The following TTLL3 variants were observed in gnomAD, a reference collection of about 807,000 sequenced individuals.
The protein encoded by TTLL3 is tubulin monoglycylase TTLL3.
Under a neutral mutation model 75.2 loss-of-function variants are expected in TTLL3, and 63 were observed. That is an observed-to-expected ratio of 0.84 (90% CI 0.68 to 1.03). The LOEUF is 1.03. TTLL3 is among the 50% of genes least tolerant of loss of function. The probability of loss-of-function intolerance (pLI) is 0.00; values close to 1 mark genes in which losing one functional copy is unlikely to be tolerated. For synonymous variants in TTLL3, 393 were observed against 418.5 expected (o/e 0.94, Z 0.74); for missense variants, 997 against 1,069.9 (o/e 0.93, Z 0.95).
Position 9,817,684 on chromosome 3 carries a change from G to T in TTLL3, c.484G>T (p.Asp162Tyr). The T allele has an allele frequency of 1.2e-6, 2 of 1,614,190 alleles. No homozygotes were observed. The highest frequency in any genetic ancestry group is 1.7e-6 in the Non-Finnish European group (2 of 1,180,046). The change falls in exon 6 of 14, where the codon GAT becomes TAT. Residue 162 changes from aspartate to tyrosine, a missense_variant. By Grantham distance (160) the Asp-to-Tyr change is radical. Transcript: ENST00000685419. ...CAATCTCCGGAATTTGCCGTGGTTT[G>T]ATGAGGTTGATGCCAACTCCTTCTT... Reference protein sequence around the residue: ...CLNLRNLPWFDEVDANSFFPR... With the variant: ...CLNLRNLPWFYEVDANSFFPR...
intron 9 of TTLL3, 134 bp from the exon 10 acceptor site, chr3:9,826,863 G>A (rs1559744444): frequency 6.8e-7 from 1 of 1,474,188 alleles, no homozygotes; most frequent in East Asian, 2.3e-5. Context: ...AAAGGGAACT[G>A]GGTTCTGATT....
chr3:9,820,430 T>C, intron 7 of TTLL3, 116 bp from the exon 8 acceptor site: 1 of 1,549,384 alleles, frequency 6.5e-7, no homozygotes, highest in East Asian at 2.3e-5. Flanking sequence ...AGGGGATCTA[T>C]CTAGGTTCGT....
intron 4 of TTLL3, among the ~76,000 whole-genome samples, chr3:9,814,245 A>G (rs1045619759): frequency 1.3e-5 from 2 of 152,236 alleles, no homozygotes; most frequent in Admixed American, 1.3e-4. Context: ...CTGAGGCAGG[A>G]GAATCACTTG....
At chr3:9,830,654 G>A (rs1465139530) in intron 11 of TTLL3, among the ~76,000 whole-genome samples, 2 of 152,192 alleles carry the variant, frequency 1.3e-5, no homozygotes, top group Non-Finnish European at 2.9e-5. Flanking sequence ...TGCCATTGTA[G>A]TGCAGTGCTC....
intron 12 of TTLL3, chr3:9,834,272 G>C (rs1559229825): frequency 7.0e-6 from 3 of 426,564 alleles, no homozygotes; most frequent in Admixed American, 2.5e-5. Flanking sequence ...TTTTCCCACT[G>C]CAGTATTCTG....
chr3:9,819,802 G>A (rs751344006), intron 7 of TTLL3: 16 of 985,494 alleles, frequency 1.6e-5, no homozygotes, highest in Non-Finnish European at 1.9e-5. Context: ...GCTGTCTCTT[G>A]TGTGTGTCAT....
At position 9,835,209 on chromosome 3, in the gene TTLL3, C is replaced by G. The variant is rs183827868; in HGVS notation, c.2168C>G (p.Ser723Ter). The G allele has an allele frequency of 5.6e-6, 9 of 1,614,224 alleles. No individual in the cohort carries two copies. The Admixed American group carries it at 8.3e-5, about 15-fold the overall frequency. Residue 723 changes from serine (S) to a stop codon, truncating the protein, a stop_gained, in exon 14 of 14, where the codon TCA (serine) becomes TGA (stop). Transcript: ENST00000685419. LOFTEE classifies it low-confidence loss of function (END_TRUNC). ...GGAAGGTCAAGGCCAAAGGCAAATT[C>G]AAGGCCAGACTGTGACAAACCCAGG... ...PVGRSRPKAN[S>*]RPDCDKPRAE...
intron 10 of TTLL3, chr3:9,827,652 G>A: frequency 4.3e-6 from 1 of 232,436 alleles, no homozygotes; most frequent in Non-Finnish European, 8.6e-6. Flanking sequence ...TCCCACCTTG[G>A]CTTCCCAAAG....
intron 6 of TTLL3, 122 bp from the exon 7 acceptor site, chr3:9,818,700 A>G: frequency 1.9e-6 from 3 of 1,562,266 alleles, no homozygotes; most frequent in Middle Eastern, 3.4e-4. Context: ...CTCAGGCTCT[A>G]GAGTCAGAAA....
rs868463768 is a variant in TTLL3, at chr3:9,813,202, G to T, written c.218-46G>T. ...CCAGAGTTGAGGCCTTATGGGCTAT[G>T]GGTCAGGGAGAGGAAACTCATCAGC... On this transcript the variant is annotated intron_variant, in intron 3 of 13. Coordinates refer to ENST00000685419, the MANE Select transcript of TTLL3 (RefSeq NM_001387446.1). The T allele has an allele frequency of 2.5e-6, 4 of 1,613,962 alleles. No homozygotes were observed. In the Middle Eastern group the frequency reaches 6.6e-4, roughly 266 times the overall value.
chr3:9,826,887 T>C, intron 9 of TTLL3, 110 bp from the exon 10 acceptor site: 1 of 1,544,268 alleles, frequency 6.5e-7, no homozygotes, highest in Non-Finnish European at 8.8e-7. Context: ...GGAGACAGCC[T>C]TACCCACTCA....
intron 2 of TTLL3, 118 bp from the exon 3 acceptor site, chr3:9,812,825 A>AT (rs1345774523): frequency 8.3e-7 from 1 of 1,203,904 alleles, no homozygotes; most frequent in Non-Finnish European, 1.1e-6. Flanking sequence ...ATTTCTCCTA[A>AT]TGGAATATAA....
In TTLL3 at chr3:9,827,100, G is replaced by GC. The variant is rs781361372; in HGVS notation, c.1111dup (p.Leu371ProfsTer9). On this transcript the variant is annotated frameshift_variant, in exon 10 of 14. Coordinates refer to ENST00000685419, the MANE Select transcript of TTLL3 (RefSeq NM_001387446.1). LOFTEE classifies it high-confidence loss of function. ...GGGTGGTGCAGAAGTATATTGAGCG[G>GC]CCCCTCCTCATCTTTGGCACCAAGT... 12 of 1,614,208 alleles carry GC rather than the reference G, an allele frequency of 7.4e-6. No individual in the cohort carries two copies. Among genetic ancestry groups the GC allele is most frequent in the Non-Finnish European group, 7.6e-6 (9 of 1,180,040 alleles).
intron 6 of TTLL3, 98 bp from the exon 7 acceptor site, chr3:9,818,724 T>A: frequency 6.3e-7 from 1 of 1,594,858 alleles, no homozygotes; most frequent in African/African-American, 1.3e-5. Context: ...TAGAGTCAGG[T>A]TCTGGATCCA....
Position 9,819,483 on chromosome 3 carries a change from C to T in TTLL3, c.658+563C>T, listed in dbSNP as rs1472550364. 1.9e-5 allele frequency: 19 copies of T among 990,838 alleles called. No individual in the cohort carries two copies. The South Asian group carries it at 2.3e-4, about 12-fold the overall frequency. 61.4% of individuals were successfully genotyped at this position (990,838 alleles called of 1,614,324 possible). ...GAGGGCAGACTAAGAAGACATGGTC[C>T]GTCCCTGCCTGTGAGGAGTTCAGGT... On this transcript the variant is annotated intron_variant, in intron 7 of 13. Coordinates refer to ENST00000685419, the MANE Select transcript of TTLL3 (RefSeq NM_001387446.1).
At position 9,813,336 on chromosome 3, in the gene TTLL3, TG is replaced by T; in HGVS notation, c.307del (p.Ala103LeufsTer2). 1 of 1,614,156 alleles carries T rather than the reference TG, an allele frequency of 6.2e-7. No individual in the cohort carries two copies. Among genetic ancestry groups the T allele is most frequent in the Non-Finnish European group, 8.5e-7 (1 of 1,180,032 alleles). ...LKFDDLDGTH[A>X]LMSRMVQNEI... ...AATTTGATGACCTAGATGGAACACA[TG>T]CTCTGATGGTGAGGGCCCTGGGGGC... On this transcript the variant is annotated frameshift_variant, in exon 4 of 14. Transcript: ENST00000685419. LOFTEE classifies it high-confidence loss of function.
chr3:9,829,114 G>A lies in TTLL3; in HGVS notation c.1402G>A (p.Val468Met), dbSNP rs373395777. 10 of 1,614,076 alleles carry A rather than the reference G, an allele frequency of 6.2e-6. No individual in the cohort carries two copies. The highest frequency in any genetic ancestry group is 1.3e-5 in the African/African-American group (1 of 74,930). Residue 468 changes from valine to methionine, a missense_variant, in exon 11 of 14, where the codon GTG becomes ATG. Physicochemically the swap from Val to Met is conservative, Grantham distance 21 (BLOSUM62 1). Coordinates refer to ENST00000685419, the MANE Select transcript of TTLL3 (RefSeq NM_001387446.1). ...GAPNAWSTII[V>M]PGMKDAVIHA... Reference sequence around the variant, plus strand: ...CCCAAATGCTTGGTCCACCATCATCGTGCCTGGCATGAAGGATGCTGTGAT... The same window carrying A: ...CCCAAATGCTTGGTCCACCATCATCATGCCTGGCATGAAGGATGCTGTGAT...
Position 9,825,887 on chromosome 3 carries a change from A to G in TTLL3, c.942A>G (p.Ile314Met), listed in dbSNP as rs754962464. The G allele has an allele frequency of 6.2e-6, 10 of 1,614,038 alleles. No homozygotes were observed. In the South Asian group the frequency reaches 7.7e-5, roughly 12 times the overall value. ...AGCTGCAGGCCGTGGTACCCCAGAT[A>G]GACATGGAAGGGGATCGCAACATCT... The part of the protein sequence containing the change: ...LQQLQAVVPQ[I>M]DMEGDRNIWI... Residue 314 changes from isoleucine to methionine, a missense_variant, in exon 9 of 14, where the codon ATA (isoleucine) becomes ATG (methionine). By Grantham distance (10) the Ile-to-Met change is conservative (BLOSUM62 1). Coordinates refer to ENST00000685419, the MANE Select transcript of TTLL3 (RefSeq NM_001387446.1).
intron 4 of TTLL3, among the ~76,000 whole-genome samples, 200 bp downstream of exon 4, chr3:9,813,545 C>T (rs751659951): frequency 1.3e-5 from 2 of 152,074 alleles, no homozygotes; most frequent in African/African-American, 4.8e-5. Context: ...CTCAGGAGGC[C>T]AAGGTGGGAG....
Sources: gnomAD v4.1 joint callset for allele counts (sites outside exome capture counted in the v4.1 genomes callset) on GRCh38, gnomAD v4.1.1 for gene constraint, MANE v1.5 for transcripts, NCBI Gene and HGNC (gene_info 2026-07-23, HGNC 2026-07-21) for gene names.